DMD: variants seen among roughly 807,000 people sequenced by gnomAD.
DMD encodes dystrophin.
Under a neutral mutation model 330.1 loss-of-function variants are expected in DMD, and 63 were observed. The observed-to-expected ratio is 0.19, with a 90% CI of 0.16 to 0.24. The LOEUF (loss-of-function observed/expected upper bound fraction) is 0.24. Ranked by LOEUF, DMD falls within the 10% of genes least tolerant of loss-of-function variation. DMD has a pLI of 1.00. For synonymous variants in DMD, 1,223 were observed against 959.8 expected (o/e 1.27, Z -5.07); for missense variants, 3,344 against 2,684.1 (o/e 1.25, Z -5.43).
chrX:32,647,264 G>A (rs1185011979), intron 9 of DMD, among the ~76,000 whole-genome samples: 1 of 111,813 alleles, frequency 8.9e-6, no homozygotes, highest in Non-Finnish European at 1.9e-5. Flanking sequence ...GGAGACAGGT[G>A]GTATAATATG....
intron 60 of DMD, among the ~76,000 whole-genome samples, chrX:31,404,205 G>A (rs1569538657): frequency 9.0e-6 from 1 of 110,905 alleles, no homozygotes; most frequent in Non-Finnish European, 1.9e-5. Flanking sequence ...ACACCAATGC[G>A]ATATAAAAAT....
chrX:33,261,101 T>C (rs192729988), intron 1 of DMD, among the ~76,000 whole-genome samples: 161 of 111,520 alleles, frequency 1.4e-3, no homozygotes, highest in East Asian at 1.7e-3. Context: ...CATGATAGTA[T>C]GTGTGTATTT....
At chrX:32,412,151 A>T in intron 29 of DMD, 1 of 1,136,662 alleles carries the variant, frequency 8.8e-7, no homozygotes, top group Non-Finnish European at 1.2e-6. Context: ...ATCAATCACA[A>T]TATCACGTAC....
intron 1 of DMD, among the ~76,000 whole-genome samples, chrX:33,292,218 A>C (rs191990985): frequency 9.0e-6 from 1 of 111,220 alleles, no homozygotes; most frequent in Non-Finnish European, 1.9e-5. Context: ...AGTCAGTTAC[A>C]TTATATTTAG....
chrX:33,169,586 A>G (rs1357644128), intron 1 of DMD, among the ~76,000 whole-genome samples: 1 of 111,878 alleles, frequency 8.9e-6, no homozygotes, highest in African/African-American at 3.2e-5. Flanking sequence ...TTCTCTCAAA[A>G]TATTTCATCC....
At chrX:32,806,303 AAT>A (rs1468085210) in intron 7 of DMD, among the ~76,000 whole-genome samples, 1 of 111,345 alleles carries the variant, frequency 9.0e-6, no homozygotes, top group African/African-American at 3.3e-5. Flanking sequence ...TCTCTGATAA[AAT>A]AGACTTTAAA....
chrX:32,027,545 C>T (rs1029179953), intron 44 of DMD, among the ~76,000 whole-genome samples: 1 of 111,545 alleles, frequency 9.0e-6, no homozygotes, highest in Non-Finnish European at 1.9e-5. Context: ...TATAGCCCCA[C>T]CATAGGAACC....
intron 17 of DMD, among the ~76,000 whole-genome samples, chrX:32,538,124 G>C (rs1289130643): frequency 8.9e-6 from 1 of 112,048 alleles, no homozygotes; most frequent in Non-Finnish European, 1.9e-5. Flanking sequence ...TGCAACAGTA[G>C]CATCCCTTAA....
intron 47 of DMD, among the ~76,000 whole-genome samples, chrX:31,895,506 G>A (rs1460904903): frequency 8.9e-6 from 1 of 112,024 alleles, no homozygotes; most frequent in Non-Finnish European, 1.9e-5. Flanking sequence ...TGGGATCCTA[G>A]TTATGACTGG....
At chrX:32,101,584 T>G (rs901064150) in intron 44 of DMD, among the ~76,000 whole-genome samples, 1 of 112,082 alleles carries the variant, frequency 8.9e-6, no homozygotes. Flanking sequence ...CTTCTAAACA[T>G]TTCTAATTTT....
intron 2 of DMD, among the ~76,000 whole-genome samples, chrX:32,900,564 C>A (rs941804283): frequency 1.8e-5 from 2 of 111,054 alleles, no homozygotes; most frequent in Non-Finnish European, 3.8e-5. Flanking sequence ...AGGCTGGACT[C>A]AAACTCCTGG....
chrX:32,445,519 T>C (rs1393864153), intron 27 of DMD, among the ~76,000 whole-genome samples: 3 of 110,817 alleles, frequency 2.7e-5, no homozygotes, highest in African/African-American at 9.8e-5. Context: ...TGTGAAATAT[T>C]TGATTAAGTT....
chrX:32,303,863 G>A (rs1262828472), intron 42 of DMD, among the ~76,000 whole-genome samples: 1 of 110,208 alleles, frequency 9.1e-6, no homozygotes, highest in Non-Finnish European at 1.9e-5. Context: ...CAGCTACCAG[G>A]CACTACATTA....
intron 61 of DMD, among the ~76,000 whole-genome samples, chrX:31,333,862 G>A (rs1469462831): frequency 2.7e-5 from 3 of 110,824 alleles, no homozygotes; most frequent in Non-Finnish European, 3.8e-5. Flanking sequence ...TTATACATAC[G>A]TAAGAAATCC....
At chrX:32,442,405 A>G (rs1458968401) in intron 27 of DMD, among the ~76,000 whole-genome samples, 1 of 111,390 alleles carries the variant, frequency 9.0e-6, no homozygotes, top group Non-Finnish European at 1.9e-5. Context: ...AAACATGAAG[A>G]TATGTTCAAT....
At chrX:33,250,852 A>C (rs143887261) in intron 1 of DMD, among the ~76,000 whole-genome samples, 1,796 of 111,055 alleles carry the variant, frequency 0.016, 37 homozygotes, top group African/African-American at 0.056. Context: ...AAAATAAATA[A>C]ATTTATATTT....
At chrX:32,876,421 C>A (rs1333872671) in intron 2 of DMD, among the ~76,000 whole-genome samples, 1 of 111,756 alleles carries the variant, frequency 8.9e-6, no homozygotes, top group Non-Finnish European at 1.9e-5. Flanking sequence ...CCACAGTTGC[C>A]CCCTAGTGCT....
chrX:33,268,541 A>G (rs2053089448), intron 1 of DMD, among the ~76,000 whole-genome samples: 1 of 112,036 alleles, frequency 8.9e-6, no homozygotes, highest in South Asian at 3.7e-4. Context: ...CAAACATACG[A>G]AGAAATGCTC....
chrX:31,225,979 C>G (rs746129880), intron 63 of DMD, among the ~76,000 whole-genome samples: 3 of 112,004 alleles, frequency 2.7e-5, no homozygotes, highest in Non-Finnish European at 5.6e-5. Context: ...ACCTGGCAGC[C>G]GAGAGGTAGT....
Sources: gnomAD v4.1 joint callset for allele counts (sites outside exome capture counted in the v4.1 genomes callset) on GRCh38, gnomAD v4.1.1 for gene constraint, MANE v1.5 for transcripts, NCBI Gene and HGNC (gene_info 2026-07-23, HGNC 2026-07-21) for gene names.